The following B4GALNT4 variants were observed in gnomAD, a reference collection of about 807,000 sequenced individuals.
B4GALNT4 encodes N-acetyl-beta-glucosaminyl-glycoprotein 4-beta-N-acetylgalactosaminyltransferase 1.
A neutral mutation model predicts 110.0 loss-of-function variants in B4GALNT4; 77 were observed. The ratio of observed to expected loss-of-function variants is 0.70; its 90% CI spans 0.58 to 0.85. B4GALNT4 has a LOEUF of 0.85. Among genes scored for constraint, B4GALNT4 ranks in the 40% least tolerant of loss-of-function variants. B4GALNT4 has a pLI of 0.00. For missense variants in B4GALNT4, 1,575 were observed against 1,506.0 expected, an observed-to-expected ratio of 1.05 and a Z score of -0.76; for synonymous variants, 785 against 655.5, an observed-to-expected ratio of 1.20 and a Z score of -3.02.
Position 373,468 on chromosome 11 carries a change from C to T in B4GALNT4, c.656C>T (p.Ala219Val), listed in dbSNP as rs756990547. Reference sequence around the variant, plus strand: ...CCCCAGACTGGCTCCGAGTGGACAGCGCCTGGAGAATTCACCAAGTTCAGC... The same window carrying T: ...CCCCAGACTGGCTCCGAGTGGACAGTGCCTGGAGAATTCACCAAGTTCAGC... Reference protein sequence around the residue: ...FVGKTGSEWTAPGEFTKFSSQ... With the variant: ...FVGKTGSEWTVPGEFTKFSSQ... The change falls in exon 7 of 20, where the codon GCG (alanine) becomes GTG (valine). Residue 219 changes from alanine (A) to valine (V), a missense_variant. Physicochemically the swap from Ala to Val is moderately conservative, Grantham distance 64. Coordinates refer to ENST00000329962, the MANE Select transcript of B4GALNT4 (RefSeq NM_178537.5). 3.4e-5 allele frequency: 53 copies of T among 1,553,880 alleles called. No homozygotes were observed. The highest frequency in any genetic ancestry group is 3.5e-4 in the Middle Eastern group (2 of 5,750).
chr11:381,190 C>A, intron 19 of B4GALNT4: 1 of 969,984 alleles, frequency 1.0e-6, no homozygotes, highest in Non-Finnish European at 1.2e-6. Flanking sequence ...GCTCTGCCCC[C>A]GATCCCATAG....
In B4GALNT4 at chr11:372,102, C is replaced by G; in HGVS notation, c.152-7C>G. ...GGCCCGAGACAGGCCTCATGTGCCA[C>G]CTGCAGATGGTGAGAAGCTGACCAG... On this transcript the variant is annotated splice_polypyrimidine_tract_variant and splice_region_variant and intron_variant, in intron 1 of 19. Coordinates refer to ENST00000329962, the MANE Select transcript of B4GALNT4 (RefSeq NM_178537.5). 8 of 1,548,398 alleles carry G rather than the reference C, an allele frequency of 5.2e-6. No homozygotes were observed. The highest frequency in any genetic ancestry group is 2.4e-5 in the South Asian group (2 of 83,986).
Position 377,282 on chromosome 11 carries a change from ACGTGAC to A in B4GALNT4, c.2162_2167del (p.Val721_Thr722del). The A allele has an allele frequency of 6.3e-7, 1 of 1,591,314 alleles. No individual in the cohort carries two copies. The highest frequency in any genetic ancestry group is 8.5e-7 in the Non-Finnish European group (1 of 1,170,634). On this transcript the variant is annotated inframe_deletion, in exon 14 of 20. Coordinates refer to ENST00000329962, the MANE Select transcript of B4GALNT4 (RefSeq NM_178537.5). ...CAGCTGCCGGAGGCGGAGGCCGTGG[ACGTGAC>A]CGCTCAGTACATGGAGCGGCTGAAC... is the stretch of plus-strand genomic sequence containing the variant.
rs775475218 is a variant in B4GALNT4, at chr11:380,220, G to C, written c.2715+18G>C. On this transcript the variant is annotated intron_variant, in intron 17 of 19. Transcript: ENST00000329962. ...CGGTAGAGGTCCGAGGGCCCCATGG[G>C]GGTCGGGGAGCAAAACGGGGCGTGC... 3.1e-6 allele frequency: 5 copies of C among 1,605,232 alleles called. No individual in the cohort carries two copies. The highest frequency in any genetic ancestry group is 4.3e-6 in the Non-Finnish European group (5 of 1,174,378).
At chr11:372,793 CG>C in intron 3 of B4GALNT4, 39 bp downstream of exon 3, 4 of 128,484 alleles carry the variant, frequency 3.1e-5, no homozygotes, top group Non-Finnish European at 4.4e-5. Context: ...GGAGGCAGGG[CG>C]GGGGCTGGGG....
intron 8 of B4GALNT4, 70 bp downstream of exon 8, chr11:373,898 A>G (rs577529763): frequency 1.5e-5 from 23 of 1,489,980 alleles, no homozygotes; most frequent in Admixed American, 3.4e-5. Flanking sequence ...GACAACCGCA[A>G]TGGGGTCCCC....
Position 376,431 on chromosome 11 carries a change from CGACGAG to C in B4GALNT4, c.1316_1321del (p.Asp439_Glu440del). 1 of 1,597,570 alleles carries C rather than the reference CGACGAG, an allele frequency of 6.3e-7. No individual in the cohort carries two copies. The highest frequency in any genetic ancestry group is 8.5e-7 in the Non-Finnish European group (1 of 1,178,432). ...CCGCGTTTCCCGCAGACTTCCTGGA[CGACGAG>C]GACGAGGGGGAGCTGCTCGACAGCC... On this transcript the variant is annotated inframe_deletion, in exon 14 of 20. Coordinates refer to ENST00000329962, the MANE Select transcript of B4GALNT4 (RefSeq NM_178537.5).
chr11:380,373 G>C lies in B4GALNT4; in HGVS notation c.2797G>C (p.Val933Leu). The change falls in exon 18 of 20, where the codon GTG becomes CTG. Residue 933 changes from valine (V) to leucine (L), a missense_variant. By Grantham distance (32) the Val-to-Leu change is conservative (BLOSUM62 1). Coordinates refer to ENST00000329962, the MANE Select transcript of B4GALNT4 (RefSeq NM_178537.5). ...CCTGGACGGCATCCGCAAGCACTGC[G>C]TGGAGGGCAGGCTGGCCTTCGCGCC... is the stretch of plus-strand genomic sequence containing the variant. ...NILDGIRKHCVEGRLAFAPVV... is the reference protein window; with the variant it reads ...NILDGIRKHCLEGRLAFAPVV... 1 of 1,613,280 alleles carries C rather than the reference G, an allele frequency of 6.2e-7. No individual in the cohort carries two copies. Among genetic ancestry groups the C allele is most frequent in the Non-Finnish European group, 8.5e-7 (1 of 1,179,760 alleles).
Position 376,748 on chromosome 11 carries a change from C to A in B4GALNT4, c.1625C>A (p.Ala542Glu), listed in dbSNP as rs1258007976. ...CAGCGGGCATCCCCCCGGGCCCCAG[C>A]GCCGCGTGCGCCCTGGCCGCCCTTC... ...PGQRASPRAP[A>E]PRAPWPPFPG... Residue 542 changes from alanine (A) to glutamate (E), a missense_variant, in exon 14 of 20, where the codon GCG becomes GAG. Transcript: ENST00000329962. 1.0e-5 allele frequency: 14 copies of A among 1,390,842 alleles called. No homozygotes were observed. The highest frequency in any genetic ancestry group is 1.2e-5 in the Non-Finnish European group (13 of 1,077,092). The allele number at this position is 1,390,842 out of a possible 1,614,324, so 86.2% of individuals were successfully genotyped here. A position where few individuals can be genotyped will look rare whatever the true frequency, so the allele number is the denominator to read the frequency against.
intron 3 of B4GALNT4, 48 bp downstream of exon 3, chr11:372,802 G>C (rs1445605296): frequency 6.5e-7 from 1 of 1,534,564 alleles, no homozygotes; most frequent in Admixed American, 2.0e-5. Context: ...GCGGGGGCTG[G>C]GGCGGGGGGG....
chr11:370,153 G>T (rs373524721), intron 1 of B4GALNT4, among the ~76,000 whole-genome samples, 199 bp downstream of exon 1: 11 of 151,792 alleles, frequency 7.2e-5, no homozygotes, highest in East Asian at 5.8e-4. Flanking sequence ...CTGCGATTTG[G>T]GGGGAGGGGG....
At chr11:377,420 T>A (rs1218331430) in intron 14 of B4GALNT4, 93 bp downstream of exon 14, 2 of 1,329,026 alleles carry the variant, frequency 1.5e-6, no homozygotes, top group Non-Finnish European at 2.0e-6. Flanking sequence ...CCTCAGACCT[T>A]CCCCAGGGCC....
chr11:373,198 C>G lies in B4GALNT4; in HGVS notation c.543C>G (p.Val181=). The change falls in exon 6 of 20, where the codon GTC becomes GTG. Residue 181 remains valine, a synonymous_variant. Transcript: ENST00000329962. The stretch of plus-strand genomic sequence containing the variant: ...CCTAGTCTTGTGGACTAGGAGACGT[C>G]CAGTTTTCTGTGGCCTCAGACGACA... ...GFIHPARDGD[V]QFSVASDDNS... 1 of 1,612,312 alleles carries G rather than the reference C, an allele frequency of 6.2e-7. No individual in the cohort carries two copies. Among genetic ancestry groups the G allele is most frequent in the Non-Finnish European group, 8.5e-7 (1 of 1,179,656 alleles).
chr11:375,682 G>C lies in B4GALNT4; in HGVS notation c.894G>C (p.Gln298His). 1.3e-6 allele frequency: 2 copies of C among 1,594,284 alleles called. No individual in the cohort carries two copies. Among genetic ancestry groups the C allele is most frequent in the South Asian group, 2.2e-5 (2 of 90,712 alleles). ...LKMDHVAHVP[Q>H]SPASHVGGRP... Reference sequence around the variant, plus strand: ...TGGACCACGTGGCGCACGTCCCCCAGTCTCCAGCCAGCCACGTGGGGGGGC... The same window carrying C: ...TGGACCACGTGGCGCACGTCCCCCACTCTCCAGCCAGCCACGTGGGGGGGC... The change falls in exon 10 of 20, where the codon CAG becomes CAC. Residue 298 changes from glutamine (Q) to histidine (H), a missense_variant. Coordinates refer to ENST00000329962, the MANE Select transcript of B4GALNT4 (RefSeq NM_178537.5).
Position 376,433 on chromosome 11 carries a change from A to G in B4GALNT4, c.1310A>G (p.Asp437Gly), listed in dbSNP as rs1317088530. The change falls in exon 14 of 20, where the codon GAC (aspartate) becomes GGC (glycine). Residue 437 changes from aspartate to glycine, a missense_variant. Transcript: ENST00000329962. ...LFLNPDDFLD[D>G]EDEGELLDSL... The stretch of plus-strand genomic sequence containing the variant: ...GCGTTTCCCGCAGACTTCCTGGACG[A>G]CGAGGACGAGGGGGAGCTGCTCGAC... The G allele has an allele frequency of 2.5e-6, 4 of 1,597,312 alleles. No homozygotes were observed. The highest frequency in any genetic ancestry group is 1.3e-5 in the African/African-American group (1 of 74,776).
rs774013776 is a variant in B4GALNT4 at position 375,456 on chromosome 11, C to T, written c.784-5C>T. On this transcript the variant is annotated splice_region_variant and splice_polypyrimidine_tract_variant and intron_variant, in intron 8 of 19. Coordinates refer to ENST00000329962, the MANE Select transcript of B4GALNT4 (RefSeq NM_178537.5). ...TCCCTGACCCCCACCCTCTCTGCCCCGCAGTGGCGAGCTTTCCTGCCCGGC... is the reference window on the plus strand; with the variant it reads ...TCCCTGACCCCCACCCTCTCTGCCCTGCAGTGGCGAGCTTTCCTGCCCGGC... 3.7e-6 allele frequency: 6 copies of T among 1,611,480 alleles called. No homozygotes were observed. The highest frequency in any genetic ancestry group is 2.7e-5 in the African/African-American group (2 of 74,834).
chr11:374,334 G>A (rs1010291415), intron 8 of B4GALNT4, among the ~76,000 whole-genome samples: 1 of 151,918 alleles, frequency 6.6e-6, no homozygotes, highest in Non-Finnish European at 1.5e-5. Flanking sequence ...AACCCAGGGA[G>A]GTGGCTGTGG....
intron 14 of B4GALNT4, among the ~76,000 whole-genome samples, chr11:378,893 G>A (rs2133578450): frequency 6.6e-6 from 1 of 152,254 alleles, no homozygotes; most frequent in East Asian, 1.9e-4. Context: ...GAAGAGGAGT[G>A]GCTGGGAGGA....
chr11:379,626 G>T lies in B4GALNT4; in HGVS notation c.2413G>T (p.Asp805Tyr), dbSNP rs773683115. The T allele has an allele frequency of 6.6e-7, 1 of 1,524,862 alleles. No homozygotes were observed. Among genetic ancestry groups the T allele is most frequent in the East Asian group, 2.4e-5 (1 of 42,458 alleles). The allele number at this position is 1,524,862 out of a possible 1,614,324, so 94.5% of individuals were successfully genotyped here. The change falls in exon 15 of 20, where the codon GAC (aspartate) becomes TAC (tyrosine). Residue 805 changes from aspartate (D) to tyrosine (Y), a missense_variant. Coordinates refer to ENST00000329962, the MANE Select transcript of B4GALNT4 (RefSeq NM_178537.5). ...EPAPAASVRP[D>Y]GRPELCRPLR... Reference sequence around the variant, plus strand: ...CGCTCCCGCCGCCTCCGTGCGCCCCGACGGCCGCCCCGAGCTCTGCCGGCC... The same window carrying T: ...CGCTCCCGCCGCCTCCGTGCGCCCCTACGGCCGCCCCGAGCTCTGCCGGCC...
Sources: gnomAD v4.1 joint callset for allele counts (sites outside exome capture counted in the v4.1 genomes callset) on GRCh38, gnomAD v4.1.1 for gene constraint, MANE v1.5 for transcripts, NCBI Gene and HGNC (gene_info 2026-07-23, HGNC 2026-07-21) for gene names.